Variants in ROBO1 observed in about 807,000 individuals in gnomAD.
The protein encoded by ROBO1 is roundabout homolog 1.
ROBO1 carries 149 observed loss-of-function variants against 195.9 expected under a neutral mutation model. That is an observed-to-expected ratio of 0.76 (90% CI 0.67 to 0.87). The LOEUF is 0.87. ROBO1 is among the 40% of genes least tolerant of loss of function. The probability of loss-of-function intolerance (pLI) is 0.00; values close to 1 mark genes in which losing one functional copy is unlikely to be tolerated. For synonymous variants in ROBO1, 816 were observed against 733.2 expected, an observed-to-expected ratio of 1.11 and a Z score of -1.82; for missense variants, 1,933 against 2,068.3, an observed-to-expected ratio of 0.93 and a Z score of 1.27.
chr3:78,963,647 T>C (rs962023528), intron 3 of ROBO1, among the ~76,000 whole-genome samples: 1 of 150,926 alleles, frequency 6.6e-6, no homozygotes, highest in African/African-American at 2.4e-5. Context: ...GCCTCCGGAG[T>C]AGCTGGGACT....
intron 2 of ROBO1, among the ~76,000 whole-genome samples, chr3:79,386,689 G>T (rs944077281): frequency 8.5e-5 from 13 of 152,116 alleles, no homozygotes; most frequent in Admixed American, 1.3e-4. Context: ...CGCATTGGTT[G>T]TGAGATAAGA....
intron 2 of ROBO1, among the ~76,000 whole-genome samples, chr3:79,344,994 TC>T (rs1180012359): frequency 4.6e-5 from 7 of 152,082 alleles, no homozygotes; most frequent in Non-Finnish European, 1.0e-4. Flanking sequence ...TCCTGAGGCC[TC>T]CCCAGTCATG....
At chr3:79,369,584 C>G (rs1190135559) in intron 2 of ROBO1, among the ~76,000 whole-genome samples, 1 of 152,122 alleles carries the variant, frequency 6.6e-6, no homozygotes, top group Non-Finnish European at 1.5e-5. Flanking sequence ...GCAAACTTCT[C>G]AGAGAGTCTC....
intron 1 of ROBO1, among the ~76,000 whole-genome samples, chr3:79,634,742 A>C (rs1013914430): frequency 2.6e-5 from 4 of 152,170 alleles, no homozygotes; most frequent in African/African-American, 9.6e-5. Context: ...AAAATACAGA[A>C]GTCATTTAAT....
intron 1 of ROBO1, among the ~76,000 whole-genome samples, chr3:79,594,949 G>A (rs960212322): frequency 7.2e-5 from 11 of 151,856 alleles, no homozygotes; most frequent in African/African-American, 2.7e-4. Context: ...GAACTTTATT[G>A]AAAGGTAATA....
intron 3 of ROBO1, among the ~76,000 whole-genome samples, chr3:79,080,483 G>C (rs1471912347): frequency 6.6e-6 from 1 of 151,730 alleles, no homozygotes; most frequent in Non-Finnish European, 1.5e-5. Context: ...AAAAAAACTA[G>C]ACTATCTTTC....
chr3:79,301,223 A>T (rs371633273), intron 2 of ROBO1, among the ~76,000 whole-genome samples: 22 of 151,988 alleles, frequency 1.4e-4, no homozygotes, highest in African/African-American at 5.1e-4. Flanking sequence ...GAAGAAAAAA[A>T]CTCCGCAAAC....
Position 78,735,187 on chromosome 3 carries a change from A to C in ROBO1, c.657+11556T>G, listed in dbSNP as rs577722328. On this transcript the variant is annotated intron_variant, in intron 5 of 30. Transcript: ENST00000464233. Reference sequence around the variant, plus strand: ...ATATCTTTCACCTCTCCAAGTTATTAAATTCAGTGTAGAATGAACATGAAC... The same window carrying C: ...ATATCTTTCACCTCTCCAAGTTATTCAATTCAGTGTAGAATGAACATGAAC... Among the ~76,000 whole-genome samples the C allele has an allele frequency of 3.2e-4, 49 of 152,340 alleles. 1 individual carries two copies. The highest frequency in any genetic ancestry group is 2.5e-3 in the Admixed American group (39 of 15,296).
At chr3:79,731,243 A>AT (rs1703137193) in intron 1 of ROBO1, among the ~76,000 whole-genome samples, 1 of 152,112 alleles carries the variant, frequency 6.6e-6, no homozygotes, top group Non-Finnish European at 1.5e-5. Flanking sequence ...AGTGCCTATG[A>AT]TTTTTTCTAA....
intron 8 of ROBO1, among the ~76,000 whole-genome samples, chr3:78,712,995 T>G (rs1291256742): frequency 1.3e-5 from 2 of 152,216 alleles, no homozygotes; most frequent in Non-Finnish European, 2.9e-5. Flanking sequence ...TGTCTTGTAT[T>G]CATCCTGGCT....
intron 2 of ROBO1, among the ~76,000 whole-genome samples, chr3:79,184,511 C>G (rs1385851629): frequency 4.6e-5 from 7 of 152,128 alleles, no homozygotes; most frequent in African/African-American, 1.7e-4. Flanking sequence ...TACTCAATGA[C>G]AGAAATTCCA....
intron 2 of ROBO1, among the ~76,000 whole-genome samples, chr3:79,204,371 G>T (rs560548030): frequency 6.6e-6 from 1 of 152,062 alleles, no homozygotes; most frequent in Non-Finnish European, 1.5e-5. Context: ...GGCTGTATGA[G>T]TATCTAGTGT....
chr3:79,341,712 G>T (rs533003691), intron 2 of ROBO1, among the ~76,000 whole-genome samples: 1 of 151,878 alleles, frequency 6.6e-6, no homozygotes, highest in African/African-American at 2.4e-5. Context: ...TATATTAAAC[G>T]TTTAGCCCAT....
At chr3:79,502,379 G>GA (rs994548417) in intron 2 of ROBO1, among the ~76,000 whole-genome samples, 1 of 152,172 alleles carries the variant, frequency 6.6e-6, no homozygotes, top group Non-Finnish European at 1.5e-5. Context: ...CCCGGGCAGT[G>GA]AGGGGCTTAG....
intron 3 of ROBO1, among the ~76,000 whole-genome samples, chr3:79,063,123 C>T (rs908264814): frequency 2.7e-4 from 41 of 151,956 alleles, no homozygotes; most frequent in African/African-American, 9.6e-4. Context: ...GAACCATGAA[C>T]ATAGCCACAG....
chr3:78,600,308 C>T lies in ROBO1; in HGVS notation c.4746G>A (p.Glu1582=), dbSNP rs764507718. The change falls in exon 30 of 31, where the codon GAG becomes GAA. Residue 1582 remains glutamate (E), a splice_region_variant and synonymous_variant. Transcript: ENST00000464233. The part of the protein sequence containing the change: ...LPPAKTHLIQ[E]DILPYCRPTF... Reference sequence around the variant, plus strand: ...TAGGTCTACAATAAGGTAGAATATCCTCTGTGTAATGAAATATAATAAATG... The same window carrying T: ...TAGGTCTACAATAAGGTAGAATATCTTCTGTGTAATGAAATATAATAAATG... The T allele has an allele frequency of 1.3e-6, 2 of 1,590,482 alleles. No homozygotes were observed. Among genetic ancestry groups the T allele is most frequent in the South Asian group, 1.1e-5 (1 of 90,530 alleles).
intron 10 of ROBO1, among the ~76,000 whole-genome samples, chr3:78,683,708 G>A (rs1439627261): frequency 6.6e-6 from 1 of 151,858 alleles, no homozygotes; most frequent in Non-Finnish European, 1.5e-5. Flanking sequence ...AATTATGCTG[G>A]AATTATTAGT....
intron 2 of ROBO1, among the ~76,000 whole-genome samples, chr3:79,356,476 T>TC (rs1167184937): frequency 1.3e-5 from 2 of 152,202 alleles, no homozygotes; most frequent in African/African-American, 4.8e-5. Context: ...ATAGAGTAAG[T>TC]CTCAACATGT....
intron 4 of ROBO1, among the ~76,000 whole-genome samples, chr3:78,898,308 C>G (rs1365640450): frequency 6.9e-6 from 1 of 144,320 alleles, no homozygotes; most frequent in East Asian, 2.0e-4. Context: ...GTGCAATACA[C>G]AAGTCCTCTA....
Sources: allele counts gnomAD v4.1 joint callset (sites outside exome capture counted in the v4.1 genomes callset), GRCh38; gene constraint gnomAD v4.1.1; transcripts MANE v1.5; gene names NCBI Gene and HGNC (gene_info 2026-07-23, HGNC 2026-07-21).